NEGR1: variants seen among roughly 807,000 people sequenced by gnomAD.
NEGR1 encodes neuronal growth regulator 1, also known as IgLON family member 4.
In NEGR1, 10 loss-of-function variants were observed where a neutral mutation model predicts 40.9. The ratio of observed to expected loss-of-function variants is 0.24; its 90% confidence interval spans 0.15 to 0.42. The LOEUF is 0.42. Among genes scored for constraint, NEGR1 ranks in the 10% least tolerant of loss-of-function variants. NEGR1 has a pLI of 1.00. For missense variants in NEGR1, 352 were observed against 438.9 expected (o/e 0.80, Z 1.77); for synonymous variants, 185 against 166.8 (o/e 1.11, Z -0.84).
intron 4 of NEGR1, among the ~76,000 whole-genome samples, chr1:71,634,677 C>A (rs1651087023): frequency 6.6e-6 from 1 of 152,064 alleles, no homozygotes; most frequent in Admixed American, 6.6e-5. Flanking sequence ...AAACACGAGG[C>A]CTGTCCACAG....
At chr1:71,457,819 A>C (rs1646684425) in intron 6 of NEGR1, among the ~76,000 whole-genome samples, 1 of 151,942 alleles carries the variant, frequency 6.6e-6, no homozygotes, top group African/African-American at 2.4e-5. Flanking sequence ...CTCCTGCCTC[A>C]GCCTCCTGAG....
intron 2 of NEGR1, among the ~76,000 whole-genome samples, chr1:71,832,118 G>A (rs1395815934): frequency 6.6e-6 from 1 of 151,868 alleles, no homozygotes; most frequent in African/African-American, 2.4e-5. Context: ...AGAGAGTAAT[G>A]GGAAAGGAGA....
chr1:72,245,060 C>T (rs1045507313), intron 1 of NEGR1, among the ~76,000 whole-genome samples: 1 of 151,948 alleles, frequency 6.6e-6, no homozygotes, highest in African/African-American at 2.4e-5. Flanking sequence ...GAGAGCATTG[C>T]CTTTTTTGAC....
intron 3 of NEGR1, among the ~76,000 whole-genome samples, chr1:71,712,856 C>G (rs1654148187): frequency 6.6e-6 from 1 of 152,020 alleles, no homozygotes; most frequent in South Asian, 2.1e-4. Flanking sequence ...GCACTTCCAT[C>G]TTAACTCTCT....
At chr1:71,465,796 G>A (rs1194900407) in intron 6 of NEGR1, among the ~76,000 whole-genome samples, 1 of 151,988 alleles carries the variant, frequency 6.6e-6, no homozygotes, top group Non-Finnish European at 1.5e-5. Context: ...TGGCATGATT[G>A]TAGCTGTACT....
intron 2 of NEGR1, among the ~76,000 whole-genome samples, chr1:71,785,505 C>T (rs1656879822): frequency 6.6e-6 from 1 of 151,854 alleles, no homozygotes; most frequent in African/African-American, 2.4e-5. Context: ...ATTTCTATTC[C>T]ATTGAGCCAA....
intron 2 of NEGR1, among the ~76,000 whole-genome samples, chr1:71,921,912 C>A (rs1462656897): frequency 1.3e-5 from 2 of 151,776 alleles, no homozygotes; most frequent in East Asian, 3.9e-4. Context: ...GTGTCCCTAA[C>A]CCTCATGTTG....
chr1:72,113,644 G>T (rs1027101777), intron 1 of NEGR1, among the ~76,000 whole-genome samples: 6 of 151,336 alleles, frequency 4.0e-5, no homozygotes, highest in African/African-American at 1.5e-4. Flanking sequence ...GTGAAGGATG[G>T]GTAAGGCTGA....
rs139630924 is a variant in NEGR1 at position 71,572,129 on chromosome 1, A to G, written c.940+20688T>C. Among the ~76,000 whole-genome samples the G allele has an allele frequency of 1.7e-3, 265 of 152,282 alleles. 4 individuals carry two copies. The highest frequency in any genetic ancestry group is 9.3e-3 in the East Asian group (48 of 5,174). ...TAAACGGGCTTTATTTAGCCCTACCACAAGTTATTCATTAGAGTTTAAAAC... is the reference window on the plus strand; with the variant it reads ...TAAACGGGCTTTATTTAGCCCTACCGCAAGTTATTCATTAGAGTTTAAAAC... On this transcript the variant is annotated intron_variant, in intron 6 of 6. Transcript: ENST00000357731.
At chr1:71,446,102 G>A (rs546850684) in intron 6 of NEGR1, among the ~76,000 whole-genome samples, 5 of 152,284 alleles carry the variant, frequency 3.3e-5, no homozygotes, top group African/African-American at 1.2e-4. Context: ...GCTGTAGAGA[G>A]TTATGAGCAT....
At chr1:71,746,228 A>G (rs150997357) in intron 3 of NEGR1, among the ~76,000 whole-genome samples, 137 of 152,342 alleles carry the variant, frequency 9.0e-4, no homozygotes, top group Non-Finnish European at 1.6e-3. Context: ...GGAGGAAAGA[A>G]AACACTCTTT....
intron 1 of NEGR1, among the ~76,000 whole-genome samples, chr1:72,212,684 G>A (rs1653655003): frequency 6.6e-6 from 1 of 151,950 alleles, no homozygotes; most frequent in African/African-American, 2.4e-5. Context: ...TGGAAACTAT[G>A]TGGAAGATAA....
intron 1 of NEGR1, among the ~76,000 whole-genome samples, chr1:72,036,294 C>CT (rs958755829): frequency 5.9e-5 from 9 of 152,190 alleles, no homozygotes; most frequent in African/African-American, 2.2e-4. Flanking sequence ...CCCCATGGGG[C>CT]TTTACATGTG....
At chr1:72,018,736 G>A (rs1019997278) in intron 1 of NEGR1, among the ~76,000 whole-genome samples, 2 of 152,194 alleles carry the variant, frequency 1.3e-5, no homozygotes, top group Non-Finnish European at 2.9e-5. Context: ...GCAGCCACAA[G>A]GCCAGTATGG....
In NEGR1 at chr1:71,817,781, A is replaced by C. The variant is rs537560847; in HGVS notation, c.410-41484T>G. On this transcript the variant is annotated intron_variant, in intron 2 of 6. Transcript: ENST00000357731. ...TTGAAATGTATGAAAAATAATACAT[A>C]AAACTTTATCAGGATTGGGTGGCTA... Among the ~76,000 whole-genome samples, 3 of 152,188 alleles carry C rather than the reference A, an allele frequency of 2.0e-5. No homozygotes were observed. In the East Asian group the frequency reaches 5.8e-4, roughly 30 times the overall value.
intron 5 of NEGR1, among the ~76,000 whole-genome samples, chr1:71,593,540 T>C (rs1294517127): frequency 6.6e-6 from 1 of 152,198 alleles, no homozygotes; most frequent in Non-Finnish European, 1.5e-5. Flanking sequence ...GTATTGGAGA[T>C]AGCATTTAAA....
intron 1 of NEGR1, among the ~76,000 whole-genome samples, chr1:72,003,188 T>C (rs1227634845): frequency 6.6e-6 from 1 of 152,054 alleles, no homozygotes; most frequent in Non-Finnish European, 1.5e-5. Flanking sequence ...AGGTTTCCTT[T>C]AAGCCTTGAT....
chr1:71,685,294 T>C (rs1455178344), intron 4 of NEGR1, among the ~76,000 whole-genome samples: 2 of 152,002 alleles, frequency 1.3e-5, no homozygotes, highest in Non-Finnish European at 2.9e-5. Context: ...GTTTCCTGGA[T>C]TATCAAATTC....
intron 1 of NEGR1, among the ~76,000 whole-genome samples, chr1:72,260,876 T>C (rs944089357): frequency 3.3e-5 from 5 of 151,978 alleles, no homozygotes; most frequent in African/African-American, 1.2e-4. Context: ...CAAAAATTAG[T>C]CTAGGAGCAA....
Sources: allele counts gnomAD v4.1 joint callset (sites outside exome capture counted in the v4.1 genomes callset), GRCh38; gene constraint gnomAD v4.1.1; transcripts MANE v1.5; gene names NCBI Gene and HGNC (gene_info 2026-07-23, HGNC 2026-07-21).